Variants in SIPA1L1 observed in about 807,000 individuals in gnomAD.
The protein encoded by SIPA1L1 is signal-induced proliferation-associated 1-like protein 1.
A neutral mutation model predicts 162.7 loss-of-function variants in SIPA1L1; 26 were observed. The observed-to-expected ratio is 0.16, with a 90% CI of 0.12 to 0.22. SIPA1L1 has a LOEUF of 0.22. Among genes scored for constraint, SIPA1L1 ranks in the 10% least tolerant of loss-of-function variants. The pLI is 1.00. For synonymous variants in SIPA1L1, 829 were observed against 837.4 expected (o/e 0.99, Z 0.17); for missense variants, 1,874 against 2,241.0 (o/e 0.84, Z 3.31).
rs943850181 is a variant in SIPA1L1, at chr14:71,614,853, ACCT to A, written c.1499-3903_1499-3901del. On this transcript the variant is annotated intron_variant, in intron 5 of 23. Coordinates refer to ENST00000381232, the MANE Select transcript of SIPA1L1 (RefSeq NM_001386936.1). ...TACAGTTTTTATTATTAACAAAGTA[ACCT>A]TATTAACACAATTTGTATTTTGTCT... 3.9e-5 allele frequency among the ~76,000 whole-genome samples: 6 copies of A among 152,340 alleles called. No individual in the cohort carries two copies. In the East Asian group the frequency reaches 1.2e-3, roughly 29 times the overall value.
At chr14:71,699,255 CGTA>C in intron 14 of SIPA1L1, 128 bp downstream of exon 14, 4 of 901,924 alleles carry the variant, frequency 4.4e-6, no homozygotes, top group Non-Finnish European at 3.4e-6. Flanking sequence ...AAAGAGAAAA[CGTA>C]GTTAATAATC....
intron 4 of SIPA1L1, among the ~76,000 whole-genome samples, chr14:71,571,760 G>C (rs2032084462): frequency 6.6e-6 from 1 of 151,478 alleles, no homozygotes. Context: ...TCCTGCCTCA[G>C]CCTCCGGAGT....
intron 2 of SIPA1L1, among the ~76,000 whole-genome samples, chr14:71,439,497 A>G (rs1304767624): frequency 6.6e-6 from 1 of 152,250 alleles, no homozygotes; most frequent in Non-Finnish European, 1.5e-5. Flanking sequence ...CTTTAATTTG[A>G]TTAATAACTT....
chr14:71,605,684 A>G (rs2148156190), intron 5 of SIPA1L1, among the ~76,000 whole-genome samples: 1 of 152,344 alleles, frequency 6.6e-6, no homozygotes, highest in Middle Eastern at 3.4e-3. Flanking sequence ...AACTTAGGGT[A>G]CAGTTGTTAA....
At position 71,511,802 on chromosome 14, in the gene SIPA1L1, G is replaced by A. The variant is rs555357590; in HGVS notation, c.-464-941G>A. Among the ~76,000 whole-genome samples, 6 of 152,250 alleles carry A rather than the reference G, an allele frequency of 3.9e-5. No individual in the cohort carries two copies. The South Asian group carries it at 1.0e-3, about 26-fold the overall frequency. The stretch of plus-strand genomic sequence containing the variant: ...GGTTTGGAACTTTCCATCCCATCCC[G>A]TTAGCTCCATGGAGGAAAGATGGGC... On this transcript the variant is annotated intron_variant, in intron 2 of 23. Coordinates refer to ENST00000381232, the MANE Select transcript of SIPA1L1 (RefSeq NM_001386936.1).
Position 71,446,894 on chromosome 14 carries a change from G to GTTTTTTTTTTTTTTTTTTT in SIPA1L1, c.-464-65838_-464-65837insTTTTTTTTTTTTTTTTTTT, listed in dbSNP as rs765106790. 1.6e-4 allele frequency among the ~76,000 whole-genome samples: 14 copies of GTTTTTTTTTTTTTTTTTTT among 87,402 alleles called. 2 individuals are homozygous for GTTTTTTTTTTTTTTTTTTT. The highest frequency in any genetic ancestry group is 8.2e-4 in the East Asian group (2 of 2,448). The allele number at this position is 87,402 out of a possible 152,430, so 57.3% of individuals were successfully genotyped here. The stretch of plus-strand genomic sequence containing the variant: ...CTGCAAATAAAGAGAGATGGGCTCT[G>GTTTTTTTTTTTTTTTTTTT]TTTTTTTTTTTGTTTTTTTTTTTTT... On this transcript the variant is annotated intron_variant, in intron 2 of 23. Coordinates refer to ENST00000381232, the MANE Select transcript of SIPA1L1 (RefSeq NM_001386936.1).
intron 12 of SIPA1L1, among the ~76,000 whole-genome samples, chr14:71,682,641 T>TG (rs2045911434): frequency 6.6e-6 from 1 of 152,252 alleles, no homozygotes; most frequent in Non-Finnish European, 1.5e-5. Context: ...ATGTAGACTG[T>TG]GGGGAAGACA....
At chr14:71,570,720 CAT>C (rs1375738816) in intron 4 of SIPA1L1, among the ~76,000 whole-genome samples, 1 of 152,022 alleles carries the variant, frequency 6.6e-6, no homozygotes, top group Non-Finnish European at 1.5e-5. Flanking sequence ...GAAATGGAAA[CAT>C]AAAAAATTAG....
chr14:71,456,177 G>A (rs1036582413), intron 2 of SIPA1L1, among the ~76,000 whole-genome samples: 3 of 152,196 alleles, frequency 2.0e-5, no homozygotes, highest in African/African-American at 4.8e-5. Context: ...ATCTCAAGTT[G>A]TTGTGTGGTA....
intron 2 of SIPA1L1, among the ~76,000 whole-genome samples, chr14:71,395,429 G>A (rs960312204): frequency 1.1e-4 from 17 of 152,178 alleles, no homozygotes; most frequent in African/African-American, 3.9e-4. Flanking sequence ...GGGAGGCTGA[G>A]GCAGGAGGAT....
At chr14:71,492,991 C>T (rs1373338012) in intron 2 of SIPA1L1, among the ~76,000 whole-genome samples, 1 of 152,110 alleles carries the variant, frequency 6.6e-6, no homozygotes, top group African/African-American at 2.4e-5. Flanking sequence ...TCTGGGATCT[C>T]TTTTACTTAT....
chr14:71,513,422 A>T (rs575356345), intron 3 of SIPA1L1, among the ~76,000 whole-genome samples: 1 of 152,166 alleles, frequency 6.6e-6, no homozygotes, highest in African/African-American at 2.4e-5. Flanking sequence ...TTATAAATAC[A>T]AATATATTTA....
At chr14:71,641,927 G>A (rs368141837) in intron 7 of SIPA1L1, among the ~76,000 whole-genome samples, 4 of 152,168 alleles carry the variant, frequency 2.6e-5, no homozygotes, top group African/African-American at 9.7e-5. Context: ...GAGCTATTGG[G>A]GTAATGGCAG....
At chr14:71,576,211 G>A (rs1323137336) in intron 4 of SIPA1L1, among the ~76,000 whole-genome samples, 1 of 152,188 alleles carries the variant, frequency 6.6e-6, no homozygotes, top group Admixed American at 6.5e-5. Context: ...AGCAGAAAGG[G>A]AAGCATTTTT....
intron 2 of SIPA1L1, among the ~76,000 whole-genome samples, chr14:71,486,542 C>A (rs1167904132): frequency 1.3e-5 from 2 of 152,168 alleles, no homozygotes; most frequent in African/African-American, 2.4e-5. Flanking sequence ...ACTTTGCCAG[C>A]CCAAATAAAA....
At chr14:71,585,179 G>A (rs1368336745) in intron 4 of SIPA1L1, among the ~76,000 whole-genome samples, 3 of 150,642 alleles carry the variant, frequency 2.0e-5, no homozygotes, top group African/African-American at 7.3e-5. Context: ...GAAAATGAGA[G>A]GGAGAAAAAA....
intron 2 of SIPA1L1, among the ~76,000 whole-genome samples, chr14:71,373,263 A>T (rs770478191): frequency 6.7e-6 from 1 of 150,026 alleles, no homozygotes; most frequent in Non-Finnish European, 1.5e-5. Context: ...GTGAGCCGAG[A>T]TCACGCCACT....
At chr14:71,573,655 C>T (rs977414420) in intron 4 of SIPA1L1, 15 of 456,684 alleles carry the variant, frequency 3.3e-5, no homozygotes, top group East Asian at 2.8e-4. Context: ...TTCCAAATGT[C>T]GAAAGAGAGA....
chr14:71,394,240 A>G (rs1248115989), intron 2 of SIPA1L1, among the ~76,000 whole-genome samples: 1 of 152,192 alleles, frequency 6.6e-6, no homozygotes, highest in East Asian at 1.9e-4. Flanking sequence ...GATTCTAATC[A>G]AAATAGGGTG....
Sources: gnomAD v4.1 joint callset for allele counts (sites outside exome capture counted in the v4.1 genomes callset) on GRCh38, gnomAD v4.1.1 for gene constraint, MANE v1.5 for transcripts, NCBI Gene and HGNC (gene_info 2026-07-23, HGNC 2026-07-21) for gene names.